Variants in TTYH1 observed in about 807,000 individuals in gnomAD.
TTYH1 encodes tweety family member 1.
In TTYH1, 33 loss-of-function variants were observed where a neutral mutation model predicts 61.2. The ratio of observed to expected loss-of-function variants is 0.54; its 90% CI spans 0.41 to 0.72. TTYH1 has a LOEUF of 0.72. Ranked by LOEUF, TTYH1 falls within the 30% of genes least tolerant of loss-of-function variation. The pLI, the probability that TTYH1 is intolerant of heterozygous loss-of-function variation, is 0.00. For synonymous variants in TTYH1, 308 were observed against 266.4 expected, an observed-to-expected ratio of 1.16 and a Z score of -1.52; for missense variants, 538 against 575.8, an observed-to-expected ratio of 0.93 and a Z score of 0.67.
rs752638207 is a variant in TTYH1 at position 54,430,538 on chromosome 19, C to T, written c.884-12C>T. 2.5e-6 allele frequency: 4 copies of T among 1,614,074 alleles called. No individual in the cohort carries two copies. The highest frequency in any genetic ancestry group is 2.5e-6 in the Non-Finnish European group (3 of 1,179,924). On this transcript the variant is annotated splice_polypyrimidine_tract_variant and intron_variant, in intron 7 of 13. Coordinates refer to ENST00000376530, the MANE Select transcript of TTYH1 (RefSeq NM_020659.4). ...GCTCATGGCCTCCTCCCCTCTCCTC[C>T]TCCCACTTCAGACATCCTGAGCTAT... is the stretch of plus-strand genomic sequence containing the variant.
chr19:54,431,277 C>G, intron 10 of TTYH1, 86 bp downstream of exon 10: 1 of 873,314 alleles, frequency 1.1e-6, no homozygotes, highest in Non-Finnish European at 1.9e-6. Flanking sequence ...TCCTTGGACC[C>G]CTGCCATTGC....
intron 5 of TTYH1, among the ~76,000 whole-genome samples, chr19:54,427,122 C>A (rs1359211641): frequency 1.3e-5 from 2 of 151,172 alleles, no homozygotes; most frequent in Non-Finnish European, 2.9e-5. Flanking sequence ...CATGGAGAAA[C>A]CCTGTCTCTA....
At chr19:54,418,074 G>A (rs1432944425) in intron 1 of TTYH1, among the ~76,000 whole-genome samples, 3 of 151,972 alleles carry the variant, frequency 2.0e-5, no homozygotes, top group Admixed American at 6.5e-5. Context: ...CAGAAACACC[G>A]TGGTTTAGGG....
intron 3 of TTYH1, 51 bp from the exon 4 acceptor site, chr19:54,422,139 G>A (rs746494285): frequency 1.9e-5 from 28 of 1,473,032 alleles, no homozygotes; most frequent in East Asian, 1.3e-4. Flanking sequence ...CCTCGACCGC[G>A]GGCTCCCCCC....
rs775515969 is a variant in TTYH1 at position 54,421,288 on chromosome 19, G to T, written c.317G>T (p.Gly106Val). ...VALLAGCTGIGIGFYGNSETS... is the reference protein window; with the variant it reads ...VALLAGCTGIVIGFYGNSETS... ...CCTCCTCCGCTCAGCACTGGCATTGGCATCGGTTTCTATGGCAACAGTGAG... is the reference window on the plus strand; with the variant it reads ...CCTCCTCCGCTCAGCACTGGCATTGTCATCGGTTTCTATGGCAACAGTGAG... The change falls in exon 3 of 14, where the codon GGC (glycine) becomes GTC (valine). Residue 106 changes from glycine to valine, a missense_variant. Physicochemically the swap from Gly to Val is moderately radical, Grantham distance 109 (BLOSUM62 -3). Coordinates refer to ENST00000376530, the MANE Select transcript of TTYH1 (RefSeq NM_020659.4). The surrounding 1 kb of genome is among the most constrained non-coding windows in gnomAD (Gnocchi z 4.8). 6.2e-7 allele frequency: 1 copy of T among 1,612,190 alleles called. No homozygotes were observed. The highest frequency in any genetic ancestry group is 8.5e-7 in the Non-Finnish European group (1 of 1,178,360).
rs1416553060 is a variant in TTYH1 at position 54,416,903 on chromosome 19, G to A, written c.126+1225G>A. 7.8e-7 allele frequency: 1 copy of A among 1,286,338 alleles called. No homozygotes were observed. The highest frequency in any genetic ancestry group is 1.0e-6 in the Non-Finnish European group (1 of 985,692). The allele number at this position is 1,286,338 out of a possible 1,614,324, so 79.7% of individuals were successfully genotyped here. A position where few individuals can be genotyped will look rare whatever the true frequency, so the allele number is the denominator to read the frequency against. ...CTCCCGAAGCCGCACGCGGGGATCC[G>A]CGGCCCCAGTCACCGCCAGAGGCAC... On this transcript the variant is annotated intron_variant, in intron 1 of 13. Transcript: ENST00000376530. The surrounding 1 kb of genome is among the most constrained non-coding windows in gnomAD (Gnocchi z 7.0).
chr19:54,415,919 A>C lies in TTYH1; in HGVS notation c.126+241A>C. On this transcript the variant is annotated intron_variant, in intron 1 of 13. Transcript: ENST00000376530. This position sits in a 1 kb window ranked among gnomAD's most constrained non-coding sequence, Gnocchi z 5.2. ...AAATAAGGGAAGGCTGGGGACCTGC[A>C]CCCCTGAGTTCATGGAGAGGAGGGG... 1.2e-6 allele frequency: 1 copy of C among 824,018 alleles called. No individual in the cohort carries two copies. The highest frequency in any genetic ancestry group is 1.7e-5 in the South Asian group (1 of 58,000). 51.0% of individuals were successfully genotyped at this position (824,018 alleles called of 1,614,324 possible).
chr19:54,428,103 T>TG (rs1363496039), intron 5 of TTYH1, among the ~76,000 whole-genome samples: 1 of 146,694 alleles, frequency 6.8e-6, no homozygotes, highest in African/African-American at 2.5e-5. Context: ...TTTTTTTTTT[T>TG]TTTGAGCTGC....
At position 54,420,042 on chromosome 19, in the gene TTYH1, G is replaced by GC. The variant is rs1243797401; in HGVS notation, c.305+738dup. On this transcript the variant is annotated intron_variant, in intron 2 of 13. Transcript: ENST00000376530. The surrounding 1 kb of genome is among the most constrained non-coding windows in gnomAD (Gnocchi z 4.8). ...GACAGAGGGGAGGTCACCTTTCAAG[G>GC]CCACGTGGCTTAAGAGGCAGCACAG... Among the ~76,000 whole-genome samples the GC allele has an allele frequency of 7.2e-5, 11 of 152,164 alleles. No individual in the cohort carries two copies. The South Asian group carries it at 2.3e-3, about 32-fold the overall frequency.
chr19:54,424,360 T>C (rs926576424), intron 4 of TTYH1, among the ~76,000 whole-genome samples: 4 of 152,186 alleles, frequency 2.6e-5, no homozygotes, highest in Admixed American at 6.5e-5. Context: ...TTCATTCATT[T>C]ATCCGACGTC....
At chr19:54,424,987 C>T (rs1034533860) in intron 4 of TTYH1, among the ~76,000 whole-genome samples, 4 of 152,160 alleles carry the variant, frequency 2.6e-5, no homozygotes, top group Non-Finnish European at 4.4e-5. Context: ...TTCTTGGCCT[C>T]ACGGATTCCA....
chr19:54,419,322 G>C lies in TTYH1; in HGVS notation c.305+16G>C. 2 of 1,590,074 alleles carry C rather than the reference G, an allele frequency of 1.3e-6. No individual in the cohort carries two copies. The highest frequency in any genetic ancestry group is 1.1e-5 in the South Asian group (1 of 90,062). On this transcript the variant is annotated intron_variant, in intron 2 of 13. Coordinates refer to ENST00000376530, the MANE Select transcript of TTYH1 (RefSeq NM_020659.4). The surrounding 1 kb of genome is among the most constrained non-coding windows in gnomAD (Gnocchi z 6.1). ...TCGCCGGCTGGTAATGGGGCCCCAG[G>C]GTGGGTGGGCGGTGGGGACAGGGCT...
intron 5 of TTYH1, among the ~76,000 whole-genome samples, chr19:54,427,872 A>C (rs538116669): frequency 2.6e-5 from 4 of 152,066 alleles, no homozygotes; most frequent in Non-Finnish European, 5.9e-5. Flanking sequence ...GGAGCACCTC[A>C]TGCCCCCTGT....
rs915054042 is a variant in TTYH1 at position 54,429,984 on chromosome 19, G to A, written c.883+27G>A. ...TGATTTCCAAGGGCCCGGTGGGTCC[G>A]CCGGGTTGGGCAGTGCAGGCCCTGG... On this transcript the variant is annotated intron_variant, in intron 7 of 13. Coordinates refer to ENST00000376530, the MANE Select transcript of TTYH1 (RefSeq NM_020659.4). This position sits in a 1 kb window ranked among gnomAD's most constrained non-coding sequence, Gnocchi z 5.1. The A allele has an allele frequency of 1.1e-5, 17 of 1,600,772 alleles. No homozygotes were observed. Among genetic ancestry groups the A allele is most frequent in the East Asian group, 4.5e-5 (2 of 44,824 alleles).
Position 54,416,670 on chromosome 19 carries a change from G to A in TTYH1, c.126+992G>A. 1 of 1,067,496 alleles carries A rather than the reference G, an allele frequency of 9.4e-7. No homozygotes were observed. Among genetic ancestry groups the A allele is most frequent in the Non-Finnish European group, 1.2e-6 (1 of 805,436 alleles). The allele number at this position is 1,067,496 out of a possible 1,614,324, so 66.1% of individuals were successfully genotyped here. On this transcript the variant is annotated intron_variant, in intron 1 of 13. Transcript: ENST00000376530. This position sits in a 1 kb window ranked among gnomAD's most constrained non-coding sequence, Gnocchi z 7.0. Reference sequence around the variant, plus strand: ...GGTCCCAGAAAAGCGCGGAGGGGATGAGTGCTGTGTTCTGAGCTATTTGGG... The same window carrying A: ...GGTCCCAGAAAAGCGCGGAGGGGATAAGTGCTGTGTTCTGAGCTATTTGGG...
chr19:54,418,989 T>A lies in TTYH1; in HGVS notation c.127-139T>A, dbSNP rs961196491. The A allele has an allele frequency of 1.8e-5, 15 of 819,128 alleles. No homozygotes were observed. The African/African-American group carries it at 2.4e-4, about 13-fold the overall frequency. The allele number at this position is 819,128 out of a possible 1,614,324, so 50.7% of individuals were successfully genotyped here. A position where few individuals can be genotyped will look rare whatever the true frequency, so the allele number is the denominator to read the frequency against. ...GCCTGGGAGGGGCTGGGACCCAATCTCCCCCAAGATTAGGCCAGGGATGTC... is the reference window on the plus strand; with the variant it reads ...GCCTGGGAGGGGCTGGGACCCAATCACCCCCAAGATTAGGCCAGGGATGTC... On this transcript the variant is annotated intron_variant, in intron 1 of 13. Transcript: ENST00000376530.
rs1362140581 is a variant in TTYH1 at position 54,416,747 on chromosome 19, C to G, written c.126+1069C>G. ...TCTTCCCCGCCTGCTCCTCGCCGCCCCCTCTCCCCACACACGGGGACCGCC... is the reference window on the plus strand; with the variant it reads ...TCTTCCCCGCCTGCTCCTCGCCGCCGCCTCTCCCCACACACGGGGACCGCC... On this transcript the variant is annotated intron_variant, in intron 1 of 13. Coordinates refer to ENST00000376530, the MANE Select transcript of TTYH1 (RefSeq NM_020659.4). The surrounding 1 kb of genome is among the most constrained non-coding windows in gnomAD (Gnocchi z 7.0). 5 of 1,291,542 alleles carry G rather than the reference C, an allele frequency of 3.9e-6. No individual in the cohort carries two copies. Among genetic ancestry groups the G allele is most frequent in the Non-Finnish European group, 5.1e-6 (5 of 988,386 alleles). 80.0% of individuals were successfully genotyped at this position (1,291,542 alleles called of 1,614,324 possible).
At chr19:54,427,304 A>C (rs2083341738) in intron 5 of TTYH1, among the ~76,000 whole-genome samples, 33 of 119,164 alleles carry the variant, frequency 2.8e-4, no homozygotes, top group Admixed American at 3.4e-4. Flanking sequence ...ATCTCAAAAA[A>C]AAAAAAAAAA....
In TTYH1 at chr19:54,415,785, TG is replaced by T; in HGVS notation, c.126+112del. 2 of 1,252,524 alleles carry T rather than the reference TG, an allele frequency of 1.6e-6. No individual in the cohort carries two copies. Among genetic ancestry groups the T allele is most frequent in the Non-Finnish European group, 2.1e-6 (2 of 947,036 alleles). The allele number at this position is 1,252,524 out of a possible 1,614,324, so 77.6% of individuals were successfully genotyped here. On this transcript the variant is annotated intron_variant, in intron 1 of 13. Coordinates refer to ENST00000376530, the MANE Select transcript of TTYH1 (RefSeq NM_020659.4). The surrounding 1 kb of genome is among the most constrained non-coding windows in gnomAD (Gnocchi z 5.2). ...AGATTTCCTGAGCTCCGCCGGAGGC[TG>T]GGGGCCGGCCCGGACTTTGGGGTTT...
Sources: gnomAD v4.1 joint callset for allele counts (sites outside exome capture counted in the v4.1 genomes callset) on GRCh38, gnomAD v4.1.1 for gene constraint, Gnocchi (gnomAD v3.1) non-coding constraint, MANE v1.5 for transcripts, NCBI Gene and HGNC (gene_info 2026-07-23, HGNC 2026-07-21) for gene names.